Variants in CACNA2D4 observed in about 807,000 individuals in gnomAD.
CACNA2D4 encodes the protein voltage-dependent calcium channel subunit alpha-2/delta-4.
CACNA2D4 carries 157 observed loss-of-function variants against 163.8 expected under a neutral mutation model. That is an observed-to-expected ratio of 0.96 (90% CI 0.84 to 1.09). The LOEUF (loss-of-function observed/expected upper bound fraction) is 1.09, where lower values mean the gene tolerates loss of function less well. Ranked by LOEUF, CACNA2D4 falls within the 50% of genes least tolerant of loss-of-function variation. The pLI is 0.00. For missense variants in CACNA2D4, 1,410 were observed against 1,479.9 expected (o/e 0.95, Z 0.78); for synonymous variants, 598 against 586.9 (o/e 1.02, Z -0.27).
chr12:1,913,439 A>G (rs1185836708), intron 2 of CACNA2D4, among the ~76,000 whole-genome samples: 1 of 152,250 alleles, frequency 6.6e-6, no homozygotes, highest in African/African-American at 2.4e-5. Flanking sequence ...GTCAACAGCC[A>G]GGTGAGCAGG....
intron 23 of CACNA2D4, among the ~76,000 whole-genome samples, chr12:1,850,591 T>C (rs1865254330): frequency 6.6e-6 from 1 of 152,116 alleles, no homozygotes; most frequent in African/African-American, 2.4e-5. Context: ...TAGAAACATA[T>C]TTTTTTCTTT....
At chr12:1,918,117 G>T (rs1371473862) in intron 1 of CACNA2D4, 130 bp downstream of exon 1, 2 of 701,190 alleles carry the variant, frequency 2.9e-6, no homozygotes, top group African/African-American at 3.6e-5. Flanking sequence ...GTGGTCAGTC[G>T]CAGCCACTGG....
At chr12:1,811,120 C>A (rs918068215) in intron 27 of CACNA2D4, among the ~76,000 whole-genome samples, 1 of 152,172 alleles carries the variant, frequency 6.6e-6, no homozygotes, top group Non-Finnish European at 1.5e-5. Flanking sequence ...CAGAGTCAGG[C>A]GGCAGCAGCA....
rs1348835623 is a variant in CACNA2D4 at position 1,890,887 on chromosome 12, C to T, written c.782-3818G>A. Among the ~76,000 whole-genome samples the T allele has an allele frequency of 7.2e-5, 11 of 152,204 alleles. 1 individual carries two copies. Among genetic ancestry groups the T allele is most frequent in the Admixed American group, 5.2e-4 (8 of 15,280 alleles). ...GGGCCACTCAACTTCCTGGTACCAC[C>T]ATAGGTTGCACCCACCCTTACATGT... On this transcript the variant is annotated intron_variant, in intron 6 of 37. Coordinates refer to ENST00000382722, the MANE Select transcript of CACNA2D4 (RefSeq NM_172364.5).
intron 4 of CACNA2D4, 112 bp from the exon 5 acceptor site, chr12:1,908,149 A>G: frequency 1.7e-6 from 2 of 1,172,314 alleles, no homozygotes; most frequent in Admixed American, 2.1e-5. Flanking sequence ...CCGGGCGGCC[A>G]TCAGAGTCTA....
At chr12:1,914,437 A>G (rs1866910548) in intron 2 of CACNA2D4, among the ~76,000 whole-genome samples, 1 of 152,164 alleles carries the variant, frequency 6.6e-6, no homozygotes, top group Admixed American at 6.5e-5. Context: ...CTCCCTGCGC[A>G]GAGGCCACAG....
intron 23 of CACNA2D4, among the ~76,000 whole-genome samples, chr12:1,851,235 T>C (rs530339016): frequency 2.6e-5 from 4 of 152,260 alleles, no homozygotes; most frequent in African/African-American, 9.6e-5. Context: ...TTATTGCTTC[T>C]GAATTTTGAG....
In CACNA2D4 at chr12:1,799,827, G is replaced by T; in HGVS notation, c.2975-132C>A. 3 of 1,320,888 alleles carry T rather than the reference G, an allele frequency of 2.3e-6. No individual in the cohort carries two copies. The highest frequency in any genetic ancestry group is 1.3e-5 in the South Asian group (1 of 79,478). The allele number at this position is 1,320,888 out of a possible 1,614,324, so 81.8% of individuals were successfully genotyped here. On this transcript the variant is annotated intron_variant, in intron 33 of 37. Coordinates refer to ENST00000382722, the MANE Select transcript of CACNA2D4 (RefSeq NM_172364.5). The surrounding 1 kb of genome is among the most constrained non-coding windows in gnomAD (Gnocchi z 4.7). The stretch of plus-strand genomic sequence containing the variant: ...GTGTCCCAAGATGATGTCACACACA[G>T]AGCCAGGAGTGAGGGATGTGATGAG...
At chr12:1,914,820 C>T (rs1343193205) in intron 2 of CACNA2D4, 34 bp downstream of exon 2, 1 of 1,512,556 alleles carries the variant, frequency 6.6e-7, no homozygotes, top group Non-Finnish European at 9.2e-7. Context: ...TGCCCTCTGC[C>T]ACCCGGTGGG....
In CACNA2D4 at chr12:1,809,317, T is replaced by C. The variant is rs915092068; in HGVS notation, c.2721+961A>G. The C allele has an allele frequency of 2.6e-5, 15 of 567,110 alleles. No homozygotes were observed. The African/African-American group carries it at 2.8e-4, about 11-fold the overall frequency. The allele number at this position is 567,110 out of a possible 1,614,324, so 35.1% of individuals were successfully genotyped here. On this transcript the variant is annotated intron_variant, in intron 29 of 37. Coordinates refer to ENST00000382722, the MANE Select transcript of CACNA2D4 (RefSeq NM_172364.5). ...TCCACATCCCAGGAACTTAGAGCCC[T>C]CAGCTGGGGCTGGCTTAGACACTGT...
chr12:1,853,871 G>T, intron 23 of CACNA2D4, 80 bp downstream of exon 23: 3 of 1,115,788 alleles, frequency 2.7e-6, no homozygotes, highest in African/African-American at 1.5e-5. Flanking sequence ...CCACCAGCCA[G>T]ATGGTGAGAG....
chr12:1,914,352 C>A (rs930170890), intron 2 of CACNA2D4, among the ~76,000 whole-genome samples: 6 of 152,150 alleles, frequency 3.9e-5, no homozygotes, highest in Admixed American at 6.5e-5. Context: ...CATAAATCGG[C>A]ACAGAAAGCA....
At chr12:1,861,621 T>C (rs1865526888) in intron 18 of CACNA2D4, among the ~76,000 whole-genome samples, 1 of 152,006 alleles carries the variant, frequency 6.6e-6, no homozygotes, top group Admixed American at 6.6e-5. Flanking sequence ...TTTTGTATTA[T>C]TAGTAGAGAC....
chr12:1,906,641 A>G (rs2470438), intron 6 of CACNA2D4, among the ~76,000 whole-genome samples: 139,318 of 152,068 alleles, frequency 0.92, 64,003 homozygotes, highest in East Asian at 1. Flanking sequence ...GGGCACGTGA[A>G]CTGCTGCATG....
intron 37 of CACNA2D4, chr12:1,794,953 T>C: frequency 2.2e-6 from 1 of 448,084 alleles, no homozygotes. Context: ...GTCATCTAAT[T>C]AGCATACAAA....
intron 29 of CACNA2D4, among the ~76,000 whole-genome samples, chr12:1,805,324 G>A (rs1222910956): frequency 6.6e-6 from 1 of 152,154 alleles, no homozygotes; most frequent in Non-Finnish European, 1.5e-5. Context: ...TCCCAGGCCT[G>A]GACTAATTTG....
rs999734919 is a variant in CACNA2D4, at chr12:1,793,011, C to G, written c.*644G>C. ...TTGGGGACATCACGTGTAGCCCTGT[C>G]GATATTTCCTGAATGGATTTCATTC... On this transcript the variant is annotated 3_prime_UTR_variant, in exon 38 of 38. Transcript: ENST00000382722. 1 of 152,250 alleles carries G rather than the reference C, an allele frequency of 6.6e-6. No individual in the cohort carries two copies. Among genetic ancestry groups the G allele is most frequent in the Non-Finnish European group, 1.5e-5 (1 of 68,114 alleles). The allele number at this position is 152,250 out of a possible 1,614,324, so 9.4% of individuals were successfully genotyped here.
In CACNA2D4 at chr12:1,797,543, C is replaced by T. The variant is rs767479883; in HGVS notation, c.2996-8G>A. ...GCTTCTTGTGTTTGTGGGCTGCGGGCGGAGAAAGGACATCACGCCACCGAA... is the reference window on the plus strand; with the variant it reads ...GCTTCTTGTGTTTGTGGGCTGCGGGTGGAGAAAGGACATCACGCCACCGAA... On this transcript the variant is annotated splice_region_variant and splice_polypyrimidine_tract_variant and intron_variant, in intron 34 of 37. Transcript: ENST00000382722. 5.8e-6 allele frequency: 9 copies of T among 1,551,958 alleles called. No homozygotes were observed. The highest frequency in any genetic ancestry group is 7.0e-6 in the Non-Finnish European group (8 of 1,148,496).
In CACNA2D4 at chr12:1,885,173, C is replaced by A. The variant is rs904726353; in HGVS notation, c.1069-97G>T. ...ATTTGGGAGGCTGTTTAGGGCCATC[C>A]AGAAGGACATGATTTCAGGGCCTGT... On this transcript the variant is annotated intron_variant, in intron 9 of 37. Transcript: ENST00000382722. 7.6e-5 allele frequency: 72 copies of A among 946,676 alleles called. No individual in the cohort carries two copies. The African/African-American group carries it at 1.1e-3, about 15-fold the overall frequency. 58.6% of individuals were successfully genotyped at this position (946,676 alleles called of 1,614,324 possible).
Sources: gnomAD v4.1 joint callset for allele counts (sites outside exome capture counted in the v4.1 genomes callset) on GRCh38, gnomAD v4.1.1 for gene constraint, Gnocchi (gnomAD v3.1) non-coding constraint, MANE v1.5 for transcripts, NCBI Gene and HGNC (gene_info 2026-07-23, HGNC 2026-07-21) for gene names.